NR3C2: variants seen among roughly 807,000 people sequenced by gnomAD.
NR3C2 encodes nuclear receptor subfamily 3 group C member 2.
A neutral mutation model predicts 86.4 loss-of-function variants in NR3C2; 15 were observed. The ratio of observed to expected loss-of-function variants is 0.17; its 90% CI spans 0.12 to 0.27. The LOEUF (loss-of-function observed/expected upper bound fraction) is 0.27, where lower values mean the gene tolerates loss of function less well. NR3C2 is among the 10% of genes least tolerant of loss of function. The pLI is 1.00. For synonymous variants in NR3C2, 458 were observed against 450.5 expected, an observed-to-expected ratio of 1.02 and a Z score of -0.21; for missense variants, 960 against 1,195.6, an observed-to-expected ratio of 0.80 and a Z score of 2.91.
At chr4:148,386,174 G>A (rs934272801) in intron 2 of NR3C2, among the ~76,000 whole-genome samples, 1 of 151,978 alleles carries the variant, frequency 6.6e-6, no homozygotes, top group Non-Finnish European at 1.5e-5. Flanking sequence ...AATGAACCTG[G>A]GAATAAACTC....
At chr4:148,245,928 A>AT (rs1739293250) in intron 3 of NR3C2, among the ~76,000 whole-genome samples, 1 of 152,122 alleles carries the variant, frequency 6.6e-6, no homozygotes, top group East Asian at 1.9e-4. Context: ...AGTGGGAAGA[A>AT]TACTTATCTT....
At chr4:148,134,015 T>G (rs1422142316) in intron 6 of NR3C2, among the ~76,000 whole-genome samples, 1 of 152,182 alleles carries the variant, frequency 6.6e-6, no homozygotes, top group Non-Finnish European at 1.5e-5. Flanking sequence ...TTAATCAAAT[T>G]ATACCCTAGA....
At chr4:148,422,662 T>A (rs1749338594) in intron 2 of NR3C2, among the ~76,000 whole-genome samples, 1 of 152,188 alleles carries the variant, frequency 6.6e-6, no homozygotes, top group African/African-American at 2.4e-5. Context: ...CTAGATCTTG[T>A]ATGCATATCA....
At chr4:148,224,077 G>A (rs1307109574) in intron 3 of NR3C2, among the ~76,000 whole-genome samples, 8 of 151,676 alleles carry the variant, frequency 5.3e-5, no homozygotes, top group Admixed American at 5.3e-4. Flanking sequence ...AGACCAGAGA[G>A]TCAAGAATCT....
intron 8 of NR3C2, among the ~76,000 whole-genome samples, chr4:148,108,739 G>A (rs1234688079): frequency 3.3e-5 from 5 of 152,130 alleles, no homozygotes; most frequent in Non-Finnish European, 7.4e-5. Flanking sequence ...AGAAGCAAAC[G>A]CCTCCAAGCC....
chr4:148,108,995 A>G (rs1351183213), intron 8 of NR3C2, among the ~76,000 whole-genome samples: 2 of 152,144 alleles, frequency 1.3e-5, no homozygotes, highest in Non-Finnish European at 2.9e-5. Context: ...AGCCCAGCCT[A>G]AAAACGAGCA....
At chr4:148,234,699 A>AT (rs1192826921) in intron 3 of NR3C2, among the ~76,000 whole-genome samples, 2 of 149,032 alleles carry the variant, frequency 1.3e-5, no homozygotes, top group African/African-American at 2.5e-5. Context: ...AAAAAAAAAA[A>AT]GGAGGGAGGG....
At chr4:148,188,681 G>A (rs142642353) in intron 4 of NR3C2, among the ~76,000 whole-genome samples, 1 of 152,230 alleles carries the variant, frequency 6.6e-6, no homozygotes, top group East Asian at 1.9e-4. Flanking sequence ...TCAGCAAACA[G>A]TGACAGTCTG....
chr4:148,081,458 T>C lies in NR3C2; in HGVS notation c.2841A>G (p.Arg947=), dbSNP rs768602437. ...DLLEFCFYTF[R]ESHALKVEFP... is the part of the protein sequence containing the mutation. Reference sequence around the variant, plus strand: ...ACTCTACCTTCAGCGCATGGGACTCTCGGAAGGTGTAGAAGCAGAATTCCA... The same window carrying C: ...ACTCTACCTTCAGCGCATGGGACTCCCGGAAGGTGTAGAAGCAGAATTCCA... Residue 947 remains arginine, a synonymous_variant, in exon 9 of 9, where the codon CGA becomes CGG. Coordinates refer to ENST00000358102, the MANE Select transcript of NR3C2 (RefSeq NM_000901.5). The C allele has an allele frequency of 1.5e-5, 25 of 1,613,892 alleles. No homozygotes were observed. Among genetic ancestry groups the C allele is most frequent in the East Asian group, 4.5e-5 (2 of 44,886 alleles).
chr4:148,136,574 G>A (rs991433311), intron 6 of NR3C2, among the ~76,000 whole-genome samples: 1 of 152,140 alleles, frequency 6.6e-6, no homozygotes, highest in African/African-American at 2.4e-5. Flanking sequence ...AACCCTCTGG[G>A]AGGACAGCAT....
intron 2 of NR3C2, among the ~76,000 whole-genome samples, chr4:148,337,336 CAT>C (rs1429100321): frequency 6.6e-6 from 1 of 151,914 alleles, no homozygotes; most frequent in Non-Finnish European, 1.5e-5. Flanking sequence ...TCAAAATGAA[CAT>C]GTGATTAGAA....
intron 8 of NR3C2, among the ~76,000 whole-genome samples, chr4:148,089,623 C>G (rs191647462): frequency 3.3e-5 from 5 of 152,166 alleles, no homozygotes; most frequent in African/African-American, 4.8e-5. Context: ...GTCCTTGGGT[C>G]CCCCTTCTAT....
At chr4:148,166,702 A>G (rs2149780309) in intron 4 of NR3C2, among the ~76,000 whole-genome samples, 1 of 152,118 alleles carries the variant, frequency 6.6e-6, no homozygotes, top group East Asian at 1.9e-4. Context: ...TTTTGGGGAA[A>G]GTTTAACGTT....
At chr4:148,213,137 GTT>G (rs11335509) in intron 3 of NR3C2, among the ~76,000 whole-genome samples, 81 of 146,948 alleles carry the variant, frequency 5.5e-4, no homozygotes, top group South Asian at 3.2e-3. Flanking sequence ...ACAATGATGG[GTT>G]TTTTTTTTTT....
chr4:148,106,235 C>G (rs1731791434), intron 8 of NR3C2, among the ~76,000 whole-genome samples: 1 of 152,034 alleles, frequency 6.6e-6, no homozygotes, highest in Non-Finnish European at 1.5e-5. Context: ...AAGCAAAGAG[C>G]CAAATCATGA....
chr4:148,083,874 A>G (rs1327074929), intron 8 of NR3C2, among the ~76,000 whole-genome samples: 3 of 152,196 alleles, frequency 2.0e-5, no homozygotes, highest in Non-Finnish European at 4.4e-5. Flanking sequence ...TTCGTGAAGC[A>G]TACACAATTA....
chr4:148,358,643 A>T (rs932602947), intron 2 of NR3C2, among the ~76,000 whole-genome samples: 6 of 152,110 alleles, frequency 3.9e-5, no homozygotes, highest in South Asian at 4.1e-4. Flanking sequence ...AATAAAAAAA[A>T]AAATAAAATG....
At chr4:148,177,563 CA>C (rs1219753850) in intron 4 of NR3C2, among the ~76,000 whole-genome samples, 1 of 152,084 alleles carries the variant, frequency 6.6e-6, no homozygotes, top group Non-Finnish European at 1.5e-5. Flanking sequence ...ACTAGATTTG[CA>C]AATAAAAAAA....
At chr4:148,094,321 C>G (rs1019380390) in intron 8 of NR3C2, among the ~76,000 whole-genome samples, 1 of 152,176 alleles carries the variant, frequency 6.6e-6, no homozygotes. Context: ...ATGACAGTTC[C>G]TAAAGAGATT....
Sources: gnomAD v4.1 joint callset for allele counts (sites outside exome capture counted in the v4.1 genomes callset) on GRCh38, gnomAD v4.1.1 for gene constraint, MANE v1.5 for transcripts, NCBI Gene and HGNC (gene_info 2026-07-23, HGNC 2026-07-21) for gene names.